SPON1: variants seen among roughly 807,000 people sequenced by gnomAD.
SPON1 encodes the protein spondin 1.
Under a neutral mutation model 111.7 loss-of-function variants are expected in SPON1, and 52 were observed. That is an observed-to-expected ratio of 0.47 (90% CI 0.37 to 0.59). The LOEUF (loss-of-function observed/expected upper bound fraction) is 0.59, where lower values mean the gene tolerates loss of function less well. Among genes scored for constraint, SPON1 ranks in the 20% least tolerant of loss-of-function variants. The probability of loss-of-function intolerance (pLI) is 0.00; values close to 1 mark genes in which losing one functional copy is unlikely to be tolerated. For synonymous variants in SPON1, 410 were observed against 395.8 expected (o/e 1.04, Z -0.43); for missense variants, 957 against 1,068.5 (o/e 0.90, Z 1.46).
intron 6 of SPON1, among the ~76,000 whole-genome samples, chr11:14,157,971 A>C (rs1447994545): frequency 1.3e-5 from 2 of 152,054 alleles, no homozygotes; most frequent in African/African-American, 2.4e-5. Context: ...TATCTAGATC[A>C]TTTGTAGGTC....
chr11:14,059,169 G>T, intron 3 of SPON1, among the ~76,000 whole-genome samples: 1 of 152,178 alleles, frequency 6.6e-6, no homozygotes, highest in East Asian at 1.9e-4. Context: ...GACACAGGCA[G>T]CCTGGGCTGG....
In SPON1 at chr11:14,080,007, C is replaced by G; in HGVS notation, c.662C>G (p.Pro221Arg). 6.2e-7 allele frequency: 1 copy of G among 1,613,918 alleles called. No homozygotes were observed. The highest frequency in any genetic ancestry group is 8.5e-7 in the Non-Finnish European group (1 of 1,179,876). ...FYGNWSEKTH[P>R]KDYPRRANHW... is the part of the protein sequence containing the mutation. Reference sequence around the variant, plus strand: ...GGGAATTGGTCCGAGAAGACACACCCAAAGGATTACCCTCGTGAGTAGAGT... The same window carrying G: ...GGGAATTGGTCCGAGAAGACACACCGAAAGGATTACCCTCGTGAGTAGAGT... The change falls in exon 5 of 16, where the codon CCA (proline) becomes CGA (arginine). Residue 221 changes from proline (P) to arginine (R), a missense_variant. Transcript: ENST00000576479.
At position 14,263,156 on chromosome 11, in the gene SPON1, A is replaced by C; in HGVS notation, c.2260+181A>C. 7.7e-6 allele frequency: 5 copies of C among 645,500 alleles called. No homozygotes were observed. In the South Asian group the frequency reaches 1.2e-4, roughly 15 times the overall value. The allele number at this position is 645,500 out of a possible 1,614,324, so 40.0% of individuals were successfully genotyped here. A position where few individuals can be genotyped will look rare whatever the true frequency, so the allele number is the denominator to read the frequency against. On this transcript the variant is annotated intron_variant, in intron 15 of 15. Coordinates refer to ENST00000576479, the MANE Select transcript of SPON1 (RefSeq NM_006108.4). Reference sequence around the variant, plus strand: ...CCAAGTTTGTTCCCAAATATTGAGCAAGCATAATTTATAAAGGAGATTGGC... The same window carrying C: ...CCAAGTTTGTTCCCAAATATTGAGCCAGCATAATTTATAAAGGAGATTGGC...
At chr11:13,978,051 A>AG (rs1848116015) in intron 1 of SPON1, among the ~76,000 whole-genome samples, 1 of 152,160 alleles carries the variant, frequency 6.6e-6, no homozygotes, top group Non-Finnish European at 1.5e-5. Flanking sequence ...ATCCTTTGTC[A>AG]TAAACCAAGC....
chr11:14,113,440 A>G (rs1172068231), intron 5 of SPON1, among the ~76,000 whole-genome samples: 2 of 152,184 alleles, frequency 1.3e-5, no homozygotes, highest in African/African-American at 4.8e-5. Flanking sequence ...TTGTGTTCTT[A>G]AATAAGGCTA....
intron 6 of SPON1, among the ~76,000 whole-genome samples, chr11:14,203,527 G>T (rs532215477): frequency 1.3e-5 from 2 of 152,300 alleles, no homozygotes; most frequent in South Asian, 4.1e-4. Flanking sequence ...ATTCCAAAAG[G>T]CATTGTACCA....
intron 2 of SPON1, among the ~76,000 whole-genome samples, chr11:13,998,517 C>G (rs1308134787): frequency 6.6e-6 from 1 of 152,336 alleles, no homozygotes; most frequent in East Asian, 1.9e-4. Flanking sequence ...CCTGCCTCCT[C>G]TCTGAGATCT....
intron 4 of SPON1, among the ~76,000 whole-genome samples, chr11:14,078,094 C>T (rs75893590): frequency 4.6e-5 from 7 of 152,148 alleles, no homozygotes; most frequent in African/African-American, 1.4e-4. Flanking sequence ...CTTATCACTG[C>T]CCTTTGAAAG....
At chr11:14,117,413 G>A (rs1202130572) in intron 5 of SPON1, among the ~76,000 whole-genome samples, 3 of 152,082 alleles carry the variant, frequency 2.0e-5, no homozygotes, top group Non-Finnish European at 4.4e-5. Flanking sequence ...AATATAATCA[G>A]ATACTTTTTC....
At chr11:14,052,633 A>T (rs1848716460) in intron 3 of SPON1, among the ~76,000 whole-genome samples, 1 of 152,226 alleles carries the variant, frequency 6.6e-6, no homozygotes, top group African/African-American at 2.4e-5. Context: ...AAATGAAAAC[A>T]TGTGCCTGAT....
chr11:13,998,571 T>A (rs782547522), intron 2 of SPON1, among the ~76,000 whole-genome samples: 1 of 152,242 alleles, frequency 6.6e-6, no homozygotes, highest in Non-Finnish European at 1.5e-5. Flanking sequence ...TCGCTCACTG[T>A]GTTACCCTGA....
At chr11:14,142,868 G>A (rs1473136784) in intron 6 of SPON1, among the ~76,000 whole-genome samples, 1 of 152,194 alleles carries the variant, frequency 6.6e-6, no homozygotes, top group Non-Finnish European at 1.5e-5. Context: ...AAACCCTCAC[G>A]AAAGCTGGAA....
intron 6 of SPON1, among the ~76,000 whole-genome samples, chr11:14,204,976 C>T (rs1380702440): frequency 2.0e-5 from 3 of 152,114 alleles, no homozygotes; most frequent in East Asian, 3.9e-4. Flanking sequence ...CGTGAGCCAC[C>T]GCGCCTGGCC....
At chr11:13,963,228 G>C in intron 1 of SPON1, 86 bp downstream of exon 1, 1 of 1,077,532 alleles carries the variant, frequency 9.3e-7, no homozygotes. Flanking sequence ...GAGGGCGCGC[G>C]GTCTCCGGGC....
At chr11:14,079,362 A>C (rs373197218) in intron 4 of SPON1, among the ~76,000 whole-genome samples, 1 of 152,232 alleles carries the variant, frequency 6.6e-6, no homozygotes, top group African/African-American at 2.4e-5. Context: ...TGACGTGATT[A>C]TATATGCATG....
intron 2 of SPON1, among the ~76,000 whole-genome samples, chr11:14,016,819 T>G (rs928656558): frequency 3.3e-5 from 5 of 152,218 alleles, no homozygotes; most frequent in Admixed American, 2.6e-4. Flanking sequence ...ATGTGCCATT[T>G]TTTTCATTTC....
chr11:14,005,163 G>A (rs1330264280), intron 2 of SPON1, among the ~76,000 whole-genome samples: 1 of 152,186 alleles, frequency 6.6e-6, no homozygotes, highest in African/African-American at 2.4e-5. Flanking sequence ...CCAATGTTGA[G>A]GAGGTTTTCT....
intron 4 of SPON1, 25 bp downstream of exon 4, chr11:14,075,443 G>A (rs1170721445): frequency 1.3e-6 from 2 of 1,512,172 alleles, no homozygotes; most frequent in Non-Finnish European, 1.8e-6. Context: ...GTGGGGAGGG[G>A]GAGGGGCAGA....
intron 6 of SPON1, among the ~76,000 whole-genome samples, chr11:14,220,433 T>TA (rs1186192239): frequency 1.3e-5 from 2 of 152,160 alleles, no homozygotes; most frequent in Non-Finnish European, 2.9e-5. Context: ...CAGCCTTTTT[T>TA]AAAAAAATTC....
Sources: gnomAD v4.1 joint callset for allele counts (sites outside exome capture counted in the v4.1 genomes callset) on GRCh38, gnomAD v4.1.1 for gene constraint, MANE v1.5 for transcripts, NCBI Gene and HGNC (gene_info 2026-07-23, HGNC 2026-07-21) for gene names.